Variants in SCHIP1 observed in about 807,000 individuals in gnomAD.
SCHIP1 encodes the protein schwannomin-interacting protein 1.
A neutral mutation model predicts 29.7 loss-of-function variants in SCHIP1; 8 were observed. That is an observed-to-expected ratio of 0.27 (90% CI 0.16 to 0.49). SCHIP1 has a LOEUF of 0.49. SCHIP1 is among the 20% of genes least tolerant of loss of function. The pLI is 0.99. For synonymous variants in SCHIP1, 76 were observed against 94.9 expected, an observed-to-expected ratio of 0.80 and a Z score of 1.16; for missense variants, 193 against 294.6, an observed-to-expected ratio of 0.66 and a Z score of 2.52.
At chr3:159,516,170 C>A in the SCHIP1 span, among the ~76,000 whole-genome samples, 3 of 152,068 alleles carry the variant, frequency 2.0e-5, no homozygotes, top group Non-Finnish European at 4.4e-5. Flanking sequence ...TTGATGGCTT[C>A]ATTTATTTCT....
the SCHIP1 span, among the ~76,000 whole-genome samples, chr3:159,559,940 GAAT>G: frequency 6.6e-6 from 1 of 152,078 alleles, no homozygotes; most frequent in Non-Finnish European, 1.5e-5. Context: ...AGATAAATAA[GAAT>G]TATTCTATTG....
At chr3:159,576,183 ACAT>A in the SCHIP1 span, among the ~76,000 whole-genome samples, 1 of 152,224 alleles carries the variant, frequency 6.6e-6, no homozygotes, top group Non-Finnish European at 1.5e-5. Flanking sequence ...ATTTGATTAC[ACAT>A]CATATGCACA....
At chr3:159,340,787 G>C in the SCHIP1 span, among the ~76,000 whole-genome samples, 1 of 152,000 alleles carries the variant, frequency 6.6e-6, no homozygotes, top group Admixed American at 6.6e-5. Flanking sequence ...TTATAATTTG[G>C]GGGGGCGCAG....
the SCHIP1 span, among the ~76,000 whole-genome samples, chr3:159,786,804 C>A: frequency 6.6e-6 from 1 of 151,864 alleles, no homozygotes; most frequent in Non-Finnish European, 1.5e-5. Flanking sequence ...GCTGGACCAG[C>A]CACAGCACGT....
the SCHIP1 span, chr3:159,274,220 T>C: frequency 2.0e-6 from 2 of 985,316 alleles, no homozygotes; most frequent in Non-Finnish European, 2.4e-6. Flanking sequence ...AAATGTACAA[T>C]CTGTTGCCCT....
At chr3:159,497,006 C>T in the SCHIP1 span, among the ~76,000 whole-genome samples, 1 of 151,994 alleles carries the variant, frequency 6.6e-6, no homozygotes, top group Non-Finnish European at 1.5e-5. Context: ...GTCGCAAGGA[C>T]AAAAAGCCAA....
chr3:159,653,674 C>T, the SCHIP1 span, among the ~76,000 whole-genome samples: 2 of 149,950 alleles, frequency 1.3e-5, no homozygotes, highest in South Asian at 2.1e-4. Context: ...TTGATAGGTG[C>T]GGCAAACCAC....
the SCHIP1 span, among the ~76,000 whole-genome samples, chr3:159,431,614 T>C: frequency 1.3e-5 from 2 of 151,876 alleles, no homozygotes; most frequent in African/African-American, 4.8e-5. Context: ...GGAGTAGGTA[T>C]CCTGGCTAAG....
the SCHIP1 span, among the ~76,000 whole-genome samples, chr3:159,668,610 G>A: frequency 2.0e-5 from 3 of 152,084 alleles, no homozygotes; most frequent in Non-Finnish European, 2.9e-5. Context: ...CACACGCTCT[G>A]CTGGGACCTG....
chr3:159,578,561 TAC>T, the SCHIP1 span, among the ~76,000 whole-genome samples: 1 of 152,184 alleles, frequency 6.6e-6, no homozygotes, highest in African/African-American at 2.4e-5. Context: ...AACATAAATT[TAC>T]AGTCTTACAA....
chr3:159,662,148 C>G, the SCHIP1 span, among the ~76,000 whole-genome samples: 2 of 152,120 alleles, frequency 1.3e-5, no homozygotes, highest in Non-Finnish European at 2.9e-5. Flanking sequence ...CGCTGCCACT[C>G]TGGCTCATAC....
At chr3:159,584,961 T>TC in the SCHIP1 span, among the ~76,000 whole-genome samples, 1 of 151,994 alleles carries the variant, frequency 6.6e-6, no homozygotes, top group African/African-American at 2.4e-5. Context: ...TTCAAACACT[T>TC]CCCTCAGATA....
the SCHIP1 span, among the ~76,000 whole-genome samples, chr3:159,483,377 A>T: frequency 6.6e-6 from 1 of 152,192 alleles, no homozygotes; most frequent in Admixed American, 6.5e-5. Flanking sequence ...TGTCTGTCCA[A>T]TAGTATAGAT....
chr3:159,398,286 C>T, the SCHIP1 span, among the ~76,000 whole-genome samples: 2 of 152,108 alleles, frequency 1.3e-5, no homozygotes, highest in Non-Finnish European at 2.9e-5. Context: ...CACCCGTCTT[C>T]TGCGTCGCTC....
At chr3:159,308,084 T>C in the SCHIP1 span, among the ~76,000 whole-genome samples, 2 of 152,148 alleles carry the variant, frequency 1.3e-5, no homozygotes, top group Admixed American at 1.3e-4. Flanking sequence ...CTCATATGAA[T>C]TTTAGAATAG....
chr3:159,629,156 C>T, the SCHIP1 span, among the ~76,000 whole-genome samples: 4 of 152,072 alleles, frequency 2.6e-5, no homozygotes, highest in Non-Finnish European at 4.4e-5. Context: ...CACACACACA[C>T]ACACACAACT....
chr3:159,802,417 G>T, the SCHIP1 span, among the ~76,000 whole-genome samples: 8 of 152,190 alleles, frequency 5.3e-5, no homozygotes, highest in Admixed American at 5.2e-4. Flanking sequence ...AGAGGTGTGT[G>T]TCACTTGCAA....
At chr3:159,492,486 G>A in the SCHIP1 span, among the ~76,000 whole-genome samples, 219 of 152,288 alleles carry the variant, frequency 1.4e-3, 1 homozygote, top group African/African-American at 5.0e-3. Context: ...CGATCAACTG[G>A]AAGAAAGGGT....
At chr3:159,745,837 A>G in the SCHIP1 span, among the ~76,000 whole-genome samples, 1 of 152,132 alleles carries the variant, frequency 6.6e-6, no homozygotes, top group African/African-American at 2.4e-5. Flanking sequence ...ATTTCTCTTT[A>G]TTAGAGAGTA....
Sources: gnomAD v4.1 joint callset for allele counts (sites outside exome capture counted in the v4.1 genomes callset) on GRCh38, gnomAD v4.1.1 for gene constraint, MANE v1.5 for transcripts, NCBI Gene and HGNC (gene_info 2026-07-23, HGNC 2026-07-21) for gene names.